Variants in LILRB2 observed in about 807,000 individuals in gnomAD.
The protein encoded by LILRB2 is leukocyte immunoglobulin-like receptor subfamily B member 2.
LILRB2 carries 47 observed loss-of-function variants against 72.7 expected under a neutral mutation model. The ratio of observed to expected loss-of-function variants is 0.65; its 90% CI spans 0.51 to 0.82. The LOEUF (loss-of-function observed/expected upper bound fraction) is 0.82, where lower values mean the gene tolerates loss of function less well. Among genes scored for constraint, LILRB2 ranks in the 40% least tolerant of loss-of-function variants. The pLI is 0.00. For synonymous variants in LILRB2, 279 were observed against 313.7 expected, an observed-to-expected ratio of 0.89 and a Z score of 1.17; for missense variants, 767 against 764.8, an observed-to-expected ratio of 1.00 and a Z score of -0.03.
chr19:54,280,396 A>T (rs1018231377), intron 2 of LILRB2, 67 bp downstream of exon 2: 2 of 1,613,830 alleles, frequency 1.2e-6, no homozygotes, highest in Non-Finnish European at 1.7e-6. Flanking sequence ...CTCCTTAGGG[A>T]CCAGAGTTTG....
Position 54,276,290 on chromosome 19 carries a change from G to A in LILRB2, c.1568C>T (p.Ala523Val), listed in dbSNP as rs1162379639. 1 of 1,613,996 alleles carries A rather than the reference G, an allele frequency of 6.2e-7. No homozygotes were observed. Among genetic ancestry groups the A allele is most frequent in the Non-Finnish European group, 8.5e-7 (1 of 1,180,040 alleles). The change falls in exon 12 of 14, where the codon GCT (alanine) becomes GTT (valine). Residue 523 changes from alanine to valine, a missense_variant. Physicochemically the swap from Ala to Val is moderately conservative, Grantham distance 64 (BLOSUM62 0). Coordinates refer to ENST00000314446, the MANE Select transcript of LILRB2 (RefSeq NM_001080978.4). ...GAGGTTTTCTTCCTGGGCGTCGGCA[G>A]CTGGGCTGGACCTGGGGGAGGAATG... Reference protein sequence around the residue: ...DRGLQWRSSPAADAQEENLYA... With the variant: ...DRGLQWRSSPVADAQEENLYA...
At chr19:54,277,134 C>T (rs1601103345) in intron 9 of LILRB2, 17 of 1,499,572 alleles carry the variant, frequency 1.1e-5, no homozygotes, top group Middle Eastern at 1.9e-4. Context: ...AGCCAGGAAG[C>T]GGCAGAGCTG....
chr19:54,276,123 C>A (rs536166006), intron 12 of LILRB2, 120 bp from the exon 13 acceptor site: 1 of 1,554,284 alleles, frequency 6.4e-7, no homozygotes, highest in Non-Finnish European at 8.8e-7. Context: ...GCTGCAATGT[C>A]CCTGAGGTCC....
Position 54,278,939 on chromosome 19 carries a change from G to C in LILRB2, c.828C>G (p.Leu276=), listed in dbSNP as rs1480704634. Residue 276 remains leucine, a synonymous_variant, in exon 6 of 14, where the codon CTC becomes CTG. Coordinates refer to ENST00000314446, the MANE Select transcript of LILRB2 (RefSeq NM_001080978.4). Reference sequence around the variant, plus strand: ...GGCCCAGGGTGAAGTTGGCCTGGGAGAGCCCAGCCTGGGGCTGCCGGCCAG... The same window carrying C: ...GGCCCAGGGTGAAGTTGGCCTGGGACAGCCCAGCCTGGGGCTGCCGGCCAG... ...QLPGRQPQAG[L]SQANFTLGPV... The C allele has an allele frequency of 6.2e-7, 1 of 1,614,190 alleles. No individual in the cohort carries two copies. Among genetic ancestry groups the C allele is most frequent in the Non-Finnish European group, 8.5e-7 (1 of 1,180,020 alleles).
Position 54,278,441 on chromosome 19 carries a change from C to A in LILRB2, c.1077G>T (p.Ala359=), listed in dbSNP as rs780207679. 6.2e-7 allele frequency: 1 copy of A among 1,614,168 alleles called. No homozygotes were observed. Among genetic ancestry groups the A allele is most frequent in the Non-Finnish European group, 8.5e-7 (1 of 1,180,020 alleles). ...GACGGAGTGGGGCATCAGCTGCTCCCGCCTTGGTCAGAAGGAAAGTGTGGA... is the reference window on the plus strand; with the variant it reads ...GACGGAGTGGGGCATCAGCTGCTCCAGCCTTGGTCAGAAGGAAAGTGTGGA... The part of the protein sequence containing the change: ...RQFHTFLLTK[A]GAADAPLRLR... Residue 359 remains alanine, a synonymous_variant, in exon 7 of 14, where the codon GCG becomes GCT. Transcript: ENST00000314446.
rs201537103 is a variant in LILRB2, at chr19:54,275,975, T to A, written c.1623A>T (p.Glu541Asp). 1.2e-6 allele frequency: 2 copies of A among 1,611,270 alleles called. No individual in the cohort carries two copies. Among genetic ancestry groups the A allele is most frequent in the Non-Finnish European group, 8.5e-7 (1 of 1,179,124 alleles). ...CCCGAGTGTCCATCTCCACCCCATC[T>A]TCAGGCTGTGTGTCCTTCACGGCAG... The part of the protein sequence containing the change: ...LYAAVKDTQP[E>D]DGVEMDTRAA... Residue 541 changes from glutamate to aspartate, a missense_variant, in exon 13 of 14, where the codon GAA (glutamate) becomes GAT (aspartate). Transcript: ENST00000314446.
In LILRB2 at chr19:54,274,344, A is replaced by C; in HGVS notation, c.*339T>G. ...TTCCTAGTTTTTTTTTTTCGTTTCTACTTTTTTCATTTGTGGTTTGTACTT... is the reference window on the plus strand; with the variant it reads ...TTCCTAGTTTTTTTTTTTCGTTTCTCCTTTTTTCATTTGTGGTTTGTACTT... On this transcript the variant is annotated 3_prime_UTR_variant, in exon 14 of 14. Transcript: ENST00000314446. 1 of 228,492 alleles carries C rather than the reference A, an allele frequency of 4.4e-6. No individual in the cohort carries two copies. Among genetic ancestry groups the C allele is most frequent in the Non-Finnish European group, 8.2e-6 (1 of 121,886 alleles). 14.2% of individuals were successfully genotyped at this position (228,492 alleles called of 1,614,324 possible).
At chr19:54,275,827 G>A in intron 13 of LILRB2, 124 bp downstream of exon 13, 1 of 1,289,742 alleles carries the variant, frequency 7.8e-7, no homozygotes, top group Non-Finnish European at 1.1e-6. Flanking sequence ...GAGGCAGCGT[G>A]CTGGACAAGG....
chr19:54,280,165 G>GT, intron 3 of LILRB2, 90 bp from the exon 4 acceptor site: 1 of 1,610,382 alleles, frequency 6.2e-7, no homozygotes, highest in Non-Finnish European at 8.5e-7. Flanking sequence ...GCCCCCATCA[G>GT]TCAGTCCAGA....
Position 54,278,830 on chromosome 19 carries a change from G to C in LILRB2, c.937C>G (p.Leu313Val), listed in dbSNP as rs540448715. The C allele has an allele frequency of 7.8e-5, 125 of 1,612,690 alleles. 2 individuals carry two copies. In the South Asian group the frequency reaches 1.3e-3, roughly 16 times the overall value. ...SSECSAPSDP[L>V]DILITGQIRG... is the part of the protein sequence containing the mutation. Reference sequence around the variant, plus strand: ...TCCTCACCTGTGATCAGGATGTCCAGGGGGTCGCTGGGGGCCGAGCACTCA... The same window carrying C: ...TCCTCACCTGTGATCAGGATGTCCACGGGGTCGCTGGGGGCCGAGCACTCA... The change falls in exon 6 of 14, where the codon CTG (leucine) becomes GTG (valine). Residue 313 changes from leucine (L) to valine (V), a missense_variant. By Grantham distance (32) the Leu-to-Val change is conservative. This residue lies in a region of LILRB2 where 599 missense variants were observed against 568.2 expected (regional missense o/e 1.05). Transcript: ENST00000314446.
chr19:54,279,833 G>C lies in LILRB2; in HGVS notation c.313C>G (p.Arg105Gly). 7 of 1,614,086 alleles carry C rather than the reference G, an allele frequency of 4.3e-6. No individual in the cohort carries two copies. The highest frequency in any genetic ancestry group is 5.1e-6 in the Non-Finnish European group (6 of 1,179,986). Residue 105 changes from arginine (R) to glycine (G), a missense_variant, in exon 4 of 14, where the codon CGG becomes GGG. Coordinates refer to ENST00000314446, the MANE Select transcript of LILRB2 (RefSeq NM_001080978.4). ...AGGGGGTCACTGAGCTCAGACCACC[G>C]AGCGCGGCTGTAATACTGACAGCCA... is the stretch of plus-strand genomic sequence containing the variant. ...RYGCQYYSRA[R>G]WSELSDPLVL...
At chr19:54,276,507 C>A (rs1324487670) in intron 10 of LILRB2, 51 bp from the exon 11 acceptor site, 1 of 1,308,826 alleles carries the variant, frequency 7.6e-7, no homozygotes, top group Non-Finnish European at 1.0e-6. Context: ...GAGCCCCCTG[C>A]CCTGCACACA....
At position 54,274,763 on chromosome 19, in the gene LILRB2, T is replaced by C. The variant is rs143326661; in HGVS notation, c.1714A>G (p.Lys572Glu). Residue 572 changes from lysine to glutamate, a missense_variant, in exon 14 of 14, where the codon AAG (lysine) becomes GAG (glutamate). Lys to Glu is a moderately conservative substitution (Grantham distance 56). Transcript: ENST00000314446. ...AQLHSLTLRR[K>E]ATEPPPSQER... ...TGGGATGGAGGAGGCTCAGTTGCCT[T>C]CCGTCTGAGGGTCAAGCTGTGCAGC... 2.2e-4 allele frequency: 358 copies of C among 1,613,074 alleles called. 3 individuals carry two copies. Among genetic ancestry groups the C allele is most frequent in the African/African-American group, 1.6e-3 (119 of 74,642 alleles).
intron 10 of LILRB2, 142 bp downstream of exon 10, chr19:54,276,665 G>A (rs999279181): frequency 6.7e-6 from 10 of 1,484,876 alleles, no homozygotes; most frequent in African/African-American, 1.4e-5. Context: ...TGGGACTGAC[G>A]TTAAGTGCTT....
At position 54,277,677 on chromosome 19, in the gene LILRB2, G is replaced by C. The variant is rs147038852; in HGVS notation, c.1310-80C>G. The C allele has an allele frequency of 1.4e-3, 2,160 of 1,498,300 alleles. 23 individuals carry two copies. The African/African-American group carries it at 0.021, about 14-fold the overall frequency. 92.8% of individuals were successfully genotyped at this position (1,498,300 alleles called of 1,614,324 possible). A position where few individuals can be genotyped will look rare whatever the true frequency, so the allele number is the denominator to read the frequency against. On this transcript the variant is annotated intron_variant, in intron 8 of 13. Transcript: ENST00000314446. The stretch of plus-strand genomic sequence containing the variant: ...GCCCGGCTGCTCCTCCCCCAGGCTG[G>C]GCCCCAACATTTCTCTCTGCCTTGA...
rs191700283 is a variant in LILRB2, at chr19:54,277,312, C to A, written c.1357+238G>T. ...GGGACGGGACAGGCCCCCGCGGAAT[C>A]GAGTCTTGGAGTCTTCCCTGAGGGG... On this transcript the variant is annotated intron_variant, in intron 9 of 13. Coordinates refer to ENST00000314446, the MANE Select transcript of LILRB2 (RefSeq NM_001080978.4). 44 of 1,335,674 alleles carry A rather than the reference C, an allele frequency of 3.3e-5. 1 individual carries two copies. The East Asian group carries it at 1.1e-3, about 34-fold the overall frequency. The allele number at this position is 1,335,674 out of a possible 1,614,324, so 82.7% of individuals were successfully genotyped here.
intron 3 of LILRB2, 91 bp from the exon 4 acceptor site, chr19:54,280,166 TC>T (rs2147790958): frequency 5.0e-6 from 8 of 1,610,278 alleles, no homozygotes; most frequent in Admixed American, 3.3e-5. Context: ...CCCCCATCAG[TC>T]AGTCCAGAAC....
intron 1 of LILRB2, 88 bp downstream of exon 1, chr19:54,280,873 G>T: frequency 3.6e-6 from 1 of 278,018 alleles, no homozygotes; most frequent in Admixed American, 5.1e-5. Flanking sequence ...GAGGGTAGCA[G>T]TGGCTTCCCC....
At position 54,279,401 on chromosome 19, in the gene LILRB2, A is replaced by C. The variant is rs374882341; in HGVS notation, c.602T>G (p.Leu201Trp). Reference protein sequence around the residue: ...RWSHRCYGYDLNSPYVWSSPS... With the variant: ...RWSHRCYGYDWNSPYVWSSPS... Reference sequence around the variant, plus strand: ...TGAAGACCACACATAGGGAGAGTTCAAGTCATAACCATAGCACCTGTGCGA... The same window carrying C: ...TGAAGACCACACATAGGGAGAGTTCCAGTCATAACCATAGCACCTGTGCGA... Residue 201 changes from leucine to tryptophan, a missense_variant, in exon 5 of 14, where the codon TTG becomes TGG. By Grantham distance (61) the Leu-to-Trp change is moderately conservative. Coordinates refer to ENST00000314446, the MANE Select transcript of LILRB2 (RefSeq NM_001080978.4). 1.9e-6 allele frequency: 3 copies of C among 1,558,960 alleles called. No homozygotes were observed. The highest frequency in any genetic ancestry group is 1.8e-5 in the Admixed American group (1 of 56,952).
Sources: gnomAD v4.1 joint callset for allele counts on GRCh38, gnomAD v4.1.1 for gene constraint, gnomAD v4.1.1 regional missense constraint, MANE v1.5 for transcripts, NCBI Gene and HGNC (gene_info 2026-07-23, HGNC 2026-07-21) for gene names.